The following PTPRD variants were observed in gnomAD, a reference collection of about 807,000 sequenced individuals.
PTPRD encodes the protein protein tyrosine phosphatase receptor type D, also known as receptor-type tyrosine-protein phosphatase delta.
In PTPRD, 34 loss-of-function variants were observed where a neutral mutation model predicts 214.5. That is an observed-to-expected ratio of 0.16 (90% CI 0.12 to 0.21). The LOEUF is 0.21. Among genes scored for constraint, PTPRD ranks in the 10% least tolerant of loss-of-function variants. PTPRD has a pLI of 1.00. For missense variants in PTPRD, 2,545 were observed against 2,398.7 expected, an observed-to-expected ratio of 1.06 and a Z score of -1.27; for synonymous variants, 1,128 against 845.7, an observed-to-expected ratio of 1.33 and a Z score of -5.79.
chr9:9,185,280 A>T (rs1333191151), intron 9 of PTPRD, among the ~76,000 whole-genome samples: 1 of 152,086 alleles, frequency 6.6e-6, no homozygotes, highest in African/African-American at 2.4e-5. Flanking sequence ...AAAAATAGAG[A>T]CATCTGACAA....
chr9:9,672,613 T>C (rs969177378), intron 7 of PTPRD, among the ~76,000 whole-genome samples: 1 of 152,104 alleles, frequency 6.6e-6, no homozygotes, highest in African/African-American at 2.4e-5. Flanking sequence ...CTACTTCACA[T>C]AGAGAATGAG....
chr9:8,484,452 A>G (rs2135803673), intron 29 of PTPRD, 74 bp from the exon 30 acceptor site: 2 of 1,466,462 alleles, frequency 1.4e-6, no homozygotes, highest in Non-Finnish European at 1.8e-6. Context: ...ACCAATGTGC[A>G]CTAGCTTTTG....
In PTPRD at chr9:8,737,912, G is replaced by A. The variant is rs10115660; in HGVS notation, c.-103-3966C>T. Among the ~76,000 whole-genome samples, 1,089 of 151,066 alleles carry A rather than the reference G, an allele frequency of 7.2e-3. 14 individuals carry two copies. Among genetic ancestry groups the A allele is most frequent in the African/African-American group, 0.025 (1,046 of 41,288 alleles). On this transcript the variant is annotated intron_variant, in intron 11 of 45. Transcript: ENST00000381196. ...GATCCGCTCGCCTCGGCCTCCCAAC[G>A]TGCTGGGATTATAGATGTGAGCCAC...
chr9:8,799,845 C>T (rs1259067857), intron 11 of PTPRD, among the ~76,000 whole-genome samples: 3 of 152,006 alleles, frequency 2.0e-5, no homozygotes, highest in African/African-American at 7.2e-5. Context: ...CCAACTCCCC[C>T]ACACACTTTT....
At chr9:10,044,152 C>G (rs972556240) in intron 3 of PTPRD, among the ~76,000 whole-genome samples, 1 of 151,184 alleles carries the variant, frequency 6.6e-6, no homozygotes, top group Non-Finnish European at 1.5e-5. Flanking sequence ...TTCACTGGAA[C>G]TGTGAATGTG....
intron 8 of PTPRD, among the ~76,000 whole-genome samples, chr9:9,548,365 G>A (rs1308000039): frequency 1.3e-5 from 2 of 150,566 alleles, no homozygotes; most frequent in Non-Finnish European, 3.0e-5. Context: ...GTATGACAGA[G>A]CTTGATTCAA....
At chr9:9,286,736 T>A (rs1457977117) in intron 9 of PTPRD, among the ~76,000 whole-genome samples, 1 of 150,628 alleles carries the variant, frequency 6.6e-6, no homozygotes, top group Non-Finnish European at 1.5e-5. Flanking sequence ...CACATCTGTA[T>A]CCCTTACTGA....
At chr9:10,135,272 A>T (rs1446779522) in intron 3 of PTPRD, among the ~76,000 whole-genome samples, 2 of 152,126 alleles carry the variant, frequency 1.3e-5, no homozygotes, top group African/African-American at 4.8e-5. Flanking sequence ...TTGAGAGAGT[A>T]GTAGAGAGAT....
rs138693679 is a variant in PTPRD at position 8,485,235 on chromosome 9, G to C, written c.3145C>G (p.Pro1049Ala). 1.2e-6 allele frequency: 2 copies of C among 1,613,010 alleles called. No homozygotes were observed. Among genetic ancestry groups the C allele is most frequent in the Non-Finnish European group, 1.7e-6 (2 of 1,179,176 alleles). ...EIPENYNSAM[P>A]FKILYDDGKM... ...ATTAGAAAACAACTTACTTTGAAAG[G>C]CATGGCGGAGTTATAATTCTCTGGA... Residue 1049 changes from proline (P) to alanine (A), a missense_variant, in exon 29 of 46, where the codon CCT becomes GCT. Transcript: ENST00000381196.
chr9:8,373,444 C>T (rs1457886963), intron 39 of PTPRD, among the ~76,000 whole-genome samples: 1 of 151,994 alleles, frequency 6.6e-6, no homozygotes, highest in African/African-American at 2.4e-5. Flanking sequence ...AATATACCTA[C>T]TCTTCTGTTG....
intron 2 of PTPRD, among the ~76,000 whole-genome samples, chr9:10,430,081 C>T (rs1240706318): frequency 6.6e-6 from 1 of 151,862 alleles, no homozygotes; most frequent in African/African-American, 2.4e-5. Context: ...GTTATGTTCT[C>T]CATAAATGCC....
At chr9:9,357,840 G>A (rs2054418413) in intron 9 of PTPRD, among the ~76,000 whole-genome samples, 1 of 147,968 alleles carries the variant, frequency 6.8e-6, no homozygotes, top group East Asian at 2.0e-4. Context: ...GATTGGACTT[G>A]AGTCTTTATG....
rs190506691 is a variant in PTPRD, at chr9:10,235,473, T to A, written c.-545+105490A>T. Among the ~76,000 whole-genome samples the A allele has an allele frequency of 2.4e-3, 365 of 152,098 alleles. 2 individuals carry two copies. The highest frequency in any genetic ancestry group is 8.6e-3 in the African/African-American group (357 of 41,540). On this transcript the variant is annotated intron_variant, in intron 3 of 45. Coordinates refer to ENST00000381196, the MANE Select transcript of PTPRD (RefSeq NM_002839.4). ...TCAGAAAGGGTGGAACCAGGAAGGCTATGGTATCCCACTTAACCATTAGCC... is the reference window on the plus strand; with the variant it reads ...TCAGAAAGGGTGGAACCAGGAAGGCAATGGTATCCCACTTAACCATTAGCC...
At chr9:9,032,738 T>C (rs572171097) in intron 10 of PTPRD, among the ~76,000 whole-genome samples, 48 of 152,274 alleles carry the variant, frequency 3.2e-4, no homozygotes, top group Middle Eastern at 3.4e-3. Flanking sequence ...ACCAGGGTTT[T>C]ATATTTTTCC....
chr9:8,895,314 A>G (rs1587592121), intron 11 of PTPRD, among the ~76,000 whole-genome samples: 1 of 143,500 alleles, frequency 7.0e-6, no homozygotes, highest in African/African-American at 3.0e-5. Flanking sequence ...GGCATTCTCT[A>G]TCTTTTTGGT....
chr9:9,942,985 C>T (rs1206938328), intron 4 of PTPRD, among the ~76,000 whole-genome samples: 1 of 151,714 alleles, frequency 6.6e-6, no homozygotes, highest in East Asian at 1.9e-4. Context: ...CCACAGTGCC[C>T]TCTGGTGGCA....
intron 14 of PTPRD, 101 bp from the exon 15 acceptor site, chr9:8,528,880 T>G: frequency 8.6e-7 from 1 of 1,159,052 alleles, no homozygotes; most frequent in South Asian, 1.4e-5. Context: ...CAGTGCTTGT[T>G]GAGAACCTAA....
chr9:9,243,977 G>A (rs1381702086), intron 9 of PTPRD, among the ~76,000 whole-genome samples: 1 of 152,130 alleles, frequency 6.6e-6, no homozygotes, highest in Non-Finnish European at 1.5e-5. Flanking sequence ...AAAATCACAA[G>A]CATTCTTATA....
chr9:9,035,540 G>T (rs546193544), intron 10 of PTPRD, among the ~76,000 whole-genome samples: 1 of 151,946 alleles, frequency 6.6e-6, no homozygotes, highest in African/African-American at 2.4e-5. Context: ...TCCCGTCATA[G>T]GGTGTTCCCC....
Sources: allele counts gnomAD v4.1 joint callset (sites outside exome capture counted in the v4.1 genomes callset), GRCh38; gene constraint gnomAD v4.1.1; transcripts MANE v1.5; gene names NCBI Gene and HGNC (gene_info 2026-07-23, HGNC 2026-07-21).